Variants in MAPKAPK2 observed in about 807,000 individuals in gnomAD.
The protein encoded by MAPKAPK2 is MAPK activated protein kinase 2.
MAPKAPK2 carries 9 observed loss-of-function variants against 48.8 expected under a neutral mutation model. The ratio of observed to expected loss-of-function variants is 0.18; its 90% CI spans 0.11 to 0.32. The LOEUF (loss-of-function observed/expected upper bound fraction) is 0.32. Ranked by LOEUF, MAPKAPK2 falls within the 10% of genes least tolerant of loss-of-function variation. The pLI is 1.00. For synonymous variants in MAPKAPK2, 202 were observed against 190.6 expected, an observed-to-expected ratio of 1.06 and a Z score of -0.49; for missense variants, 331 against 498.3, an observed-to-expected ratio of 0.66 and a Z score of 3.20.
Position 206,731,329 on chromosome 1 carries a change from C to A in MAPKAPK2, c.892+67C>A. 6.3e-7 allele frequency: 1 copy of A among 1,595,436 alleles called. No homozygotes were observed. The highest frequency in any genetic ancestry group is 8.5e-7 in the Non-Finnish European group (1 of 1,169,874). On this transcript the variant is annotated intron_variant, in intron 7 of 9. Coordinates refer to ENST00000367103, the MANE Select transcript of MAPKAPK2 (RefSeq NM_032960.4). This position sits in a 1 kb window ranked among gnomAD's most constrained non-coding sequence, Gnocchi z 5.9. ...GTGTGTGTGTGTGTGTATGTGTGTA[C>A]ACGCAGACACATGTATGGGCCTCCA... is the stretch of plus-strand genomic sequence containing the variant.
In MAPKAPK2 at chr1:206,729,014, C is replaced by T. The variant is rs564909367; in HGVS notation, c.420-21C>T. ...CGGCGGGCTGTTGTGTTCTCTGGATCTCACTGTGGCTTCATTTCAGTTTGG... is the reference window on the plus strand; with the variant it reads ...CGGCGGGCTGTTGTGTTCTCTGGATTTCACTGTGGCTTCATTTCAGTTTGG... On this transcript the variant is annotated intron_variant, in intron 2 of 9. Coordinates refer to ENST00000367103, the MANE Select transcript of MAPKAPK2 (RefSeq NM_032960.4). 4.2e-5 allele frequency: 67 copies of T among 1,614,012 alleles called. No individual in the cohort carries two copies. In the South Asian group the frequency reaches 7.0e-4, roughly 17 times the overall value.
intron 1 of MAPKAPK2, chr1:206,696,328 A>T: frequency 1.3e-6 from 1 of 781,668 alleles, no homozygotes; most frequent in Non-Finnish European, 2.3e-6. Flanking sequence ...TAGATATCGG[A>T]TTGGACTGTA....
rs571474325 is a variant in MAPKAPK2 at position 206,714,947 on chromosome 1, T to C, written c.280-13763T>C. Among the ~76,000 whole-genome samples, 11 of 152,184 alleles carry C rather than the reference T, an allele frequency of 7.2e-5. 1 individual carries two copies. In the South Asian group the frequency reaches 2.1e-3, roughly 29 times the overall value. ...TTGTGGGTACCAGGTTTCGAGAGAA[T>C]GTGTGCTGCCAGAAAGCAGATCTTT... is the stretch of plus-strand genomic sequence containing the variant. On this transcript the variant is annotated intron_variant, in intron 1 of 9. Coordinates refer to ENST00000367103, the MANE Select transcript of MAPKAPK2 (RefSeq NM_032960.4).
Position 206,728,778 on chromosome 1 carries a change from C to T in MAPKAPK2, c.348C>T (p.His116=). 1 of 1,614,098 alleles carries T rather than the reference C, an allele frequency of 6.2e-7. No individual in the cohort carries two copies. Residue 116 remains histidine, a synonymous_variant, in exon 2 of 10, where the codon CAC becomes CAT. Transcript: ENST00000367103. ...ELHWRASQCP[H]IVRIVDVYEN... ...ACTGGCGGGCCTCCCAGTGCCCGCA[C>T]ATCGTACGGATCGTGGATGTGTACG...
intron 1 of MAPKAPK2, among the ~76,000 whole-genome samples, chr1:206,705,672 G>A (rs1188402902): frequency 1.3e-5 from 2 of 152,222 alleles, no homozygotes; most frequent in South Asian, 2.1e-4. Context: ...GTGGACCAGG[G>A]CAGAAAGGCG....
intron 1 of MAPKAPK2, among the ~76,000 whole-genome samples, chr1:206,688,057 T>A (rs1328015257): frequency 6.6e-6 from 1 of 152,184 alleles, no homozygotes; most frequent in African/African-American, 2.4e-5. Context: ...CAGCTCACCC[T>A]GCTGCTTCTC....
chr1:206,693,240 A>G (rs776464310), intron 1 of MAPKAPK2, among the ~76,000 whole-genome samples: 4 of 152,136 alleles, frequency 2.6e-5, no homozygotes, highest in Non-Finnish European at 5.9e-5. Flanking sequence ...ACAGCTAAAA[A>G]TAAACCTGCC....
intron 1 of MAPKAPK2, among the ~76,000 whole-genome samples, chr1:206,695,265 C>T (rs1340656543): frequency 6.6e-6 from 1 of 152,178 alleles, no homozygotes; most frequent in Non-Finnish European, 1.5e-5. Context: ...ATGTGGCTAA[C>T]TCTGAGAACC....
At chr1:206,706,647 G>A (rs1553428606) in intron 1 of MAPKAPK2, among the ~76,000 whole-genome samples, 1 of 152,200 alleles carries the variant, frequency 6.6e-6, no homozygotes, top group African/African-American at 2.4e-5. Flanking sequence ...GAGCAGAAGT[G>A]TGCAGATGAC....
chr1:206,690,499 C>G (rs1376719438), intron 1 of MAPKAPK2, among the ~76,000 whole-genome samples: 1 of 152,244 alleles, frequency 6.6e-6, no homozygotes, highest in Non-Finnish European at 1.5e-5. Context: ...ACAAAAGAAC[C>G]CCTTTGTGGG....
At chr1:206,696,539 C>CA (rs1287476893) in intron 1 of MAPKAPK2, among the ~76,000 whole-genome samples, 14 of 152,042 alleles carry the variant, frequency 9.2e-5, no homozygotes, top group Non-Finnish European at 1.8e-4. Context: ...CCCATCTCTA[C>CA]AAAAAATTAA....
chr1:206,714,406 C>T (rs1269869745), intron 1 of MAPKAPK2, among the ~76,000 whole-genome samples: 1 of 152,048 alleles, frequency 6.6e-6, no homozygotes, highest in Non-Finnish European at 1.5e-5. Context: ...ATGATTTGTT[C>T]TAGAGCTTTT....
chr1:206,730,229 C>A, intron 5 of MAPKAPK2, 131 bp downstream of exon 5: 2 of 1,089,392 alleles, frequency 1.8e-6, no homozygotes, highest in Non-Finnish European at 2.6e-6. Context: ...GCTGGTTCTG[C>A]TGGGACCTGC....
At chr1:206,724,761 G>A (rs947725893) in intron 1 of MAPKAPK2, among the ~76,000 whole-genome samples, 2 of 152,060 alleles carry the variant, frequency 1.3e-5, no homozygotes, top group Non-Finnish European at 2.9e-5. Context: ...AGAATGAGGG[G>A]GTGTTAGCTC....
At position 206,704,468 on chromosome 1, in the gene MAPKAPK2, T is replaced by G. The variant is rs1355314472; in HGVS notation, c.279+18960T>G. Among the ~76,000 whole-genome samples the G allele has an allele frequency of 6.6e-6, 1 of 152,198 alleles. No homozygotes were observed. Among genetic ancestry groups the G allele is most frequent in the East Asian group, 1.9e-4 (1 of 5,194 alleles). The stretch of plus-strand genomic sequence containing the variant: ...GGTGACTTCTCACTGACTGCTGATG[T>G]GTACAGTACATTGAAAGCAGTCACC... On this transcript the variant is annotated intron_variant, in intron 1 of 9. Coordinates refer to ENST00000367103, the MANE Select transcript of MAPKAPK2 (RefSeq NM_032960.4). This position sits in a 1 kb window ranked among gnomAD's most constrained non-coding sequence, Gnocchi z 4.3.
intron 4 of MAPKAPK2, 35 bp from the exon 5 acceptor site, chr1:206,729,937 G>A: frequency 6.2e-7 from 1 of 1,613,850 alleles, no homozygotes; most frequent in Non-Finnish European, 8.5e-7. Context: ...CCCAGGTCCA[G>A]CAGGGTTGCT....
At chr1:206,696,149 A>C in intron 1 of MAPKAPK2, 1 of 1,564,668 alleles carries the variant, frequency 6.4e-7, no homozygotes, top group Non-Finnish European at 8.8e-7. Context: ...ACATGGACAA[A>C]AGTGTCATTG....
intron 1 of MAPKAPK2, among the ~76,000 whole-genome samples, chr1:206,720,149 G>T (rs1553431021): frequency 6.6e-6 from 1 of 152,206 alleles, no homozygotes; most frequent in East Asian, 1.9e-4. Context: ...CCAGAGATAT[G>T]CTCCATGGCC....
intron 1 of MAPKAPK2, among the ~76,000 whole-genome samples, chr1:206,709,394 A>G (rs912405101): frequency 2.0e-5 from 3 of 152,110 alleles, no homozygotes; most frequent in African/African-American, 7.2e-5. Context: ...TCGCTGCTCG[A>G]TGTGATCTAC....
Sources: gnomAD v4.1 joint callset for allele counts (sites outside exome capture counted in the v4.1 genomes callset) on GRCh38, gnomAD v4.1.1 for gene constraint, Gnocchi (gnomAD v3.1) non-coding constraint, MANE v1.5 for transcripts, NCBI Gene and HGNC (gene_info 2026-07-23, HGNC 2026-07-21) for gene names.